LRP1B: variants seen among roughly 807,000 people sequenced by gnomAD.
LRP1B encodes the protein LDL receptor related protein 1B.
A neutral mutation model predicts 556.6 loss-of-function variants in LRP1B; 217 were observed. That is an observed-to-expected ratio of 0.39 (90% CI 0.35 to 0.44). The LOEUF is 0.44. Ranked by LOEUF, LRP1B falls within the 20% of genes least tolerant of loss-of-function variation. LRP1B has a pLI of 1.00. For synonymous variants in LRP1B, 2,047 were observed against 1,865.8 expected (o/e 1.10, Z -2.50); for missense variants, 5,053 against 5,620.8 (o/e 0.90, Z 3.23).
chr2:141,786,235 A>C (rs868650377), intron 2 of LRP1B, among the ~76,000 whole-genome samples: 1 of 152,108 alleles, frequency 6.6e-6, no homozygotes, highest in East Asian at 1.9e-4. Flanking sequence ...TTTTTTCTAC[A>C]ATAAAAGGAA....
rs200519567 is a variant in LRP1B, at chr2:141,985,516, T to TGG, written c.82+145130_82+145131dup. Among the ~76,000 whole-genome samples, 522 of 151,616 alleles carry TGG rather than the reference T, an allele frequency of 3.4e-3. 1 individual carries two copies. The highest frequency in any genetic ancestry group is 9.5e-3 in the Admixed American group (144 of 15,206). On this transcript the variant is annotated intron_variant, in intron 1 of 90. Coordinates refer to ENST00000389484, the MANE Select transcript of LRP1B (RefSeq NM_018557.3). ...AAACAGACGAGAATTTTTATTTTTT[T>TGG]GGGGGGGGTATCTTTTCCATATTCA...
At chr2:141,227,462 C>G (rs1052222594) in intron 6 of LRP1B, among the ~76,000 whole-genome samples, 4 of 152,136 alleles carry the variant, frequency 2.6e-5, no homozygotes, top group Non-Finnish European at 4.4e-5. Context: ...ATCCTTATTA[C>G]TTACATAATA....
At chr2:141,205,615 C>T (rs1350771052) in intron 6 of LRP1B, among the ~76,000 whole-genome samples, 4 of 152,012 alleles carry the variant, frequency 2.6e-5, no homozygotes, top group Non-Finnish European at 5.9e-5. Flanking sequence ...CCTTTAAGTC[C>T]AAAATCTTTG....
At chr2:140,904,120 A>G (rs1284729112) in intron 22 of LRP1B, among the ~76,000 whole-genome samples, 1 of 151,836 alleles carries the variant, frequency 6.6e-6, no homozygotes, top group Admixed American at 6.6e-5. Flanking sequence ...ACATTGAGTA[A>G]CAAGTTAAAA....
chr2:140,235,841 A>T (rs1680674137), intron 89 of LRP1B, among the ~76,000 whole-genome samples: 1 of 151,074 alleles, frequency 6.6e-6, no homozygotes. Flanking sequence ...AAAAATGTGT[A>T]AAGTATATCG....
At chr2:141,214,267 G>A (rs1046073360) in intron 6 of LRP1B, among the ~76,000 whole-genome samples, 1 of 152,188 alleles carries the variant, frequency 6.6e-6, no homozygotes, top group African/African-American at 2.4e-5. Flanking sequence ...CTAATCAATT[G>A]TTTAACATAA....
intron 17 of LRP1B, among the ~76,000 whole-genome samples, chr2:140,984,615 A>G (rs1696864532): frequency 6.6e-6 from 1 of 152,110 alleles, no homozygotes; most frequent in Non-Finnish European, 1.5e-5. Context: ...AAGAACTTCT[A>G]TGAACCTGTC....
chr2:141,445,692 T>C (rs750480339), intron 3 of LRP1B, among the ~76,000 whole-genome samples: 1 of 152,252 alleles, frequency 6.6e-6, no homozygotes, highest in Non-Finnish European at 1.5e-5. Context: ...TCAGCAGTCA[T>C]GCAGGAGCAG....
intron 2 of LRP1B, among the ~76,000 whole-genome samples, chr2:141,576,189 T>TCTC (rs138688046): frequency 6.6e-6 from 1 of 151,924 alleles, no homozygotes; most frequent in African/African-American, 2.4e-5. Flanking sequence ...CCCAAATACC[T>TCTC]AATGATAGAC....
At chr2:141,035,205 T>A (rs1198185898) in intron 11 of LRP1B, among the ~76,000 whole-genome samples, 1 of 135,718 alleles carries the variant, frequency 7.4e-6, no homozygotes, top group Admixed American at 7.5e-5. Flanking sequence ...GTGACTGTTG[T>A]GGGGTGGGGG....
At chr2:141,546,016 T>C (rs1222388228) in intron 2 of LRP1B, among the ~76,000 whole-genome samples, 2 of 152,078 alleles carry the variant, frequency 1.3e-5, no homozygotes, top group African/African-American at 4.8e-5. Flanking sequence ...CAACAGAAAA[T>C]GAATACAGTT....
intron 20 of LRP1B, among the ~76,000 whole-genome samples, chr2:140,926,636 C>T (rs1694894625): frequency 1.3e-5 from 2 of 152,092 alleles, no homozygotes; most frequent in Admixed American, 1.3e-4. Flanking sequence ...AGCCTTTGCA[C>T]CCAGCTAATG....
chr2:140,334,133 A>G (rs1423804451), intron 79 of LRP1B, among the ~76,000 whole-genome samples: 1 of 152,034 alleles, frequency 6.6e-6, no homozygotes, highest in Non-Finnish European at 1.5e-5. Flanking sequence ...CAACTCCATT[A>G]ACATATATCT....
Position 141,871,419 on chromosome 2 carries a change from G to A in LRP1B, c.83-61018C>T, listed in dbSNP as rs149660313. 2.6e-3 allele frequency among the ~76,000 whole-genome samples: 397 copies of A among 152,036 alleles called. 2 individuals are homozygous for A. Among genetic ancestry groups the A allele is most frequent in the African/African-American group, 8.8e-3 (364 of 41,520 alleles). ...GTGAACATGACTGAGTTTCTTTACT[G>A]TTTTTAAATCTAATAGGCAAAAACT... On this transcript the variant is annotated intron_variant, in intron 1 of 90. Transcript: ENST00000389484.
intron 66 of LRP1B, among the ~76,000 whole-genome samples, chr2:140,427,714 C>T (rs1685722764): frequency 6.6e-6 from 1 of 152,050 alleles, no homozygotes; most frequent in Non-Finnish European, 1.5e-5. Flanking sequence ...CCTTCTTTCC[C>T]CACCACCTGT....
intron 10 of LRP1B, among the ~76,000 whole-genome samples, chr2:141,053,273 C>T (rs1049148303): frequency 2.0e-5 from 3 of 151,888 alleles, no homozygotes; most frequent in South Asian, 2.1e-4. Flanking sequence ...CAAAGGTCCC[C>T]TTTTTGCCGC....
intron 2 of LRP1B, among the ~76,000 whole-genome samples, chr2:141,639,493 T>C (rs563314754): frequency 7.5e-4 from 112 of 149,028 alleles, no homozygotes; most frequent in African/African-American, 2.6e-3. Context: ...CTTGGCTCAC[T>C]GCAACCTCTG....
chr2:140,473,722 A>C (rs1213087320), intron 60 of LRP1B, among the ~76,000 whole-genome samples: 1 of 151,904 alleles, frequency 6.6e-6, no homozygotes, highest in Non-Finnish European at 1.5e-5. Flanking sequence ...ATTTTGTTGT[A>C]CAATGAAATT....
At chr2:140,276,898 C>A (rs1368600875) in intron 84 of LRP1B, among the ~76,000 whole-genome samples, 4 of 151,606 alleles carry the variant, frequency 2.6e-5, no homozygotes, top group African/African-American at 9.7e-5. Context: ...GAAATGGGGC[C>A]CAGGTAGTTC....
Sources: allele counts gnomAD v4.1 joint callset (sites outside exome capture counted in the v4.1 genomes callset), GRCh38; gene constraint gnomAD v4.1.1; transcripts MANE v1.5; gene names NCBI Gene and HGNC (gene_info 2026-07-23, HGNC 2026-07-21).